CYP2C19: variants seen among roughly 807,000 people sequenced by gnomAD.
CYP2C19 encodes cytochrome P450 family 2 subfamily C member 19, also known as cytochrome P450 2C19.
Under a neutral mutation model 40.9 loss-of-function variants are expected in CYP2C19, and 59 were observed. The observed-to-expected ratio is 1.44, with a 90% CI of 1.17 to 1.79. The LOEUF (loss-of-function observed/expected upper bound fraction) is 1.79, where lower values mean the gene tolerates loss of function less well. CYP2C19 is among the 40% of genes most tolerant of loss of function. The probability of loss-of-function intolerance (pLI) is 0.00; values close to 1 mark genes in which losing one functional copy is unlikely to be tolerated. For synonymous variants in CYP2C19, 253 were observed against 208.7 expected (o/e 1.21, Z -1.83); for missense variants, 754 against 596.9 (o/e 1.26, Z -2.74).
chr10:94,772,598 G>A (rs1205400587), intron 1 of CYP2C19, among the ~76,000 whole-genome samples: 1 of 152,108 alleles, frequency 6.6e-6, no homozygotes, highest in African/African-American at 2.4e-5. Flanking sequence ...ACTTGTTGTC[G>A]GGACCCCGGA....
intron 1 of CYP2C19, 115 bp downstream of exon 1, chr10:94,762,988 T>G: frequency 9.0e-7 from 1 of 1,111,656 alleles, no homozygotes; most frequent in Non-Finnish European, 1.3e-6. Context: ...AGTAAAATAC[T>G]TTGAAAGGCT....
intron 5 of CYP2C19, among the ~76,000 whole-genome samples, chr10:94,803,862 G>C (rs1848798595): frequency 6.6e-6 from 1 of 152,214 alleles, no homozygotes. Context: ...TGACAATCCA[G>C]GTGAGCAGGT....
At chr10:94,769,822 G>C (rs999214520) in intron 1 of CYP2C19, among the ~76,000 whole-genome samples, 1 of 152,024 alleles carries the variant, frequency 6.6e-6, no homozygotes, top group Admixed American at 6.5e-5. Flanking sequence ...CAGACTTCAG[G>C]GTTAATTCCC....
At chr10:94,852,665 G>A (rs1849671010) in intron 8 of CYP2C19, 68 bp from the exon 9 acceptor site, 3 of 1,539,546 alleles carry the variant, frequency 1.9e-6, no homozygotes, top group East Asian at 2.2e-5. Flanking sequence ...GCCAGTTATA[G>A]AGACAGTGTT....
chr10:94,836,366 C>T (rs1174085292), intron 6 of CYP2C19, among the ~76,000 whole-genome samples: 1 of 152,194 alleles, frequency 6.6e-6, no homozygotes, highest in Non-Finnish European at 1.5e-5. Flanking sequence ...TCCCTTGGAC[C>T]TGTGTAAGGA....
In CYP2C19 at chr10:94,820,572, CAG is replaced by C. The variant is rs1564675886; in HGVS notation, c.900_901del (p.Glu300AspfsTer22). 6.2e-7 allele frequency: 1 copy of C among 1,614,194 alleles called. No individual in the cohort carries two copies. Among genetic ancestry groups the C allele is most frequent in the East Asian group, 2.2e-5 (1 of 44,880 alleles). Reference sequence around the variant, plus strand: ...GCAGCTGACTTACTTGGAGCTGGGACAGAGACAACAAGCACAACCCTGAGATA... The same window carrying C: ...GCAGCTGACTTACTTGGAGCTGGGACAGACAACAAGCACAACCCTGAGATA... On this transcript the variant is annotated frameshift_variant, in exon 6 of 9. Transcript: ENST00000371321. LOFTEE classifies it high-confidence loss of function.
At chr10:94,821,175 C>T (rs1284560575) in intron 6 of CYP2C19, among the ~76,000 whole-genome samples, 2 of 152,112 alleles carry the variant, frequency 1.3e-5, no homozygotes, top group Admixed American at 6.6e-5. Flanking sequence ...GACAGCATGG[C>T]AGTTTCAAAA....
At chr10:94,828,810 C>G (rs1403179104) in intron 6 of CYP2C19, among the ~76,000 whole-genome samples, 16 of 152,082 alleles carry the variant, frequency 1.1e-4, no homozygotes, top group African/African-American at 3.9e-4. Flanking sequence ...ACCGGTTGTT[C>G]CTTTCCATGA....
intron 6 of CYP2C19, among the ~76,000 whole-genome samples, chr10:94,828,329 T>G (rs1428279246): frequency 6.6e-6 from 1 of 151,784 alleles, no homozygotes; most frequent in Non-Finnish European, 1.5e-5. Context: ...AGGATTTGCT[T>G]TATGAATCTT....
chr10:94,790,304 G>T (rs1459805684), intron 5 of CYP2C19, among the ~76,000 whole-genome samples: 1 of 152,128 alleles, frequency 6.6e-6, no homozygotes, highest in Non-Finnish European at 1.5e-5. Context: ...GGAACAATTT[G>T]ACTTCCTCTT....
At chr10:94,805,735 A>G (rs998532467) in intron 5 of CYP2C19, among the ~76,000 whole-genome samples, 1 of 152,140 alleles carries the variant, frequency 6.6e-6, no homozygotes, top group Non-Finnish European at 1.5e-5. Context: ...AAAGCAGTCA[A>G]CAAACAAAAC....
Position 94,820,477 on chromosome 10 carries a change from T to C in CYP2C19, c.820-19T>C. The C allele has an allele frequency of 6.2e-7, 1 of 1,613,786 alleles. No individual in the cohort carries two copies. Among genetic ancestry groups the C allele is most frequent in the South Asian group, 1.1e-5 (1 of 91,076 alleles). On this transcript the variant is annotated intron_variant, in intron 5 of 8. Coordinates refer to ENST00000371321, the MANE Select transcript of CYP2C19 (RefSeq NM_000769.4). ...GCTGTTAAATAATTTGTCAGATAAT[T>C]GCATCAAATCATTCCTAGGAAAAGC...
chr10:94,824,736 A>C (rs1849186552), intron 6 of CYP2C19, among the ~76,000 whole-genome samples: 1 of 151,854 alleles, frequency 6.6e-6, no homozygotes, highest in African/African-American at 2.4e-5. Context: ...CACATGTGCC[A>C]TGCTGGTGCA....
intron 5 of CYP2C19, among the ~76,000 whole-genome samples, chr10:94,798,628 G>A (rs1158405864): frequency 2.0e-5 from 3 of 151,778 alleles, no homozygotes; most frequent in African/African-American, 7.2e-5. Flanking sequence ...GGGAGCCTAA[G>A]TCTTTGTAGG....
At chr10:94,820,471 G>A (rs1237278391) in intron 5 of CYP2C19, 25 bp from the exon 6 acceptor site, 6 of 1,612,984 alleles carry the variant, frequency 3.7e-6, no homozygotes, top group African/African-American at 2.7e-5. Flanking sequence ...TAATTTGTCA[G>A]ATAATTGCAT....
intron 7 of CYP2C19, among the ~76,000 whole-genome samples, chr10:94,848,206 T>A (rs1849601385): frequency 6.6e-6 from 1 of 152,208 alleles, no homozygotes; most frequent in African/African-American, 2.4e-5. Context: ...TTTTTATGGT[T>A]TTAGGTCTAA....
chr10:94,845,114 T>C (rs1849552984), intron 7 of CYP2C19, among the ~76,000 whole-genome samples: 1 of 152,120 alleles, frequency 6.6e-6, no homozygotes, highest in Non-Finnish European at 1.5e-5. Flanking sequence ...ATCAGGCAAA[T>C]GTGTTCTTCT....
At chr10:94,847,396 AG>A (rs1205212458) in intron 7 of CYP2C19, among the ~76,000 whole-genome samples, 1 of 152,190 alleles carries the variant, frequency 6.6e-6, no homozygotes, top group Non-Finnish European at 1.5e-5. Flanking sequence ...GTCCCTACAA[AG>A]GACATGAACT....
intron 5 of CYP2C19, among the ~76,000 whole-genome samples, chr10:94,792,184 C>G (rs1848613792): frequency 6.6e-6 from 1 of 152,028 alleles, no homozygotes; most frequent in Non-Finnish European, 1.5e-5. Context: ...AGGATTGCAA[C>G]CCCTGCATTT....
Sources: gnomAD v4.1 joint callset for allele counts (sites outside exome capture counted in the v4.1 genomes callset) on GRCh38, gnomAD v4.1.1 for gene constraint, MANE v1.5 for transcripts, NCBI Gene and HGNC (gene_info 2026-07-23, HGNC 2026-07-21) for gene names.